AP2A1: variants seen among roughly 807,000 people sequenced by gnomAD.
The protein encoded by AP2A1 is AP-2 complex subunit alpha-1.
In AP2A1, 21 loss-of-function variants were observed where a neutral mutation model predicts 107.3. The ratio of observed to expected loss-of-function variants is 0.20; its 90% CI spans 0.14 to 0.28. The LOEUF (loss-of-function observed/expected upper bound fraction) is 0.28. Among genes scored for constraint, AP2A1 ranks in the 10% least tolerant of loss-of-function variants. AP2A1 has a pLI of 1.00. For synonymous variants in AP2A1, 602 were observed against 564.8 expected (o/e 1.07, Z -0.93); for missense variants, 873 against 1,307.7 (o/e 0.67, Z 5.13).
rs1568579366 is a variant in AP2A1, at chr19:49,787,329, TTTTTGTTTG to T, written c.474-4601_474-4593del. Among the ~76,000 whole-genome samples the T allele has an allele frequency of 5.6e-4, 71 of 127,134 alleles. 2 individuals carry two copies. The highest frequency in any genetic ancestry group is 9.8e-4 in the African/African-American group (30 of 30,704). The allele number at this position is 127,134 out of a possible 152,430, so 83.4% of individuals were successfully genotyped here. A position where few individuals can be genotyped will look rare whatever the true frequency, so the allele number is the denominator to read the frequency against. On this transcript the variant is annotated intron_variant, in intron 4 of 22. Transcript: ENST00000354293. The stretch of plus-strand genomic sequence containing the variant: ...TGAGCCACCACTCCCATCTAGGCTT[TTTTTGTTTG>T]TTTTTTTTGTTTTTTGTTTTTTTTT...
intron 15 of AP2A1, 66 bp from the exon 16 acceptor site, chr19:49,802,883 A>T: frequency 1.3e-6 from 2 of 1,541,636 alleles, no homozygotes; most frequent in South Asian, 2.3e-5. Context: ...CTCGCACTCA[A>T]TCGCTCTGGG....
At chr19:49,791,271 G>T (rs186835751) in intron 4 of AP2A1, among the ~76,000 whole-genome samples, 1 of 152,302 alleles carries the variant, frequency 6.6e-6, no homozygotes, top group Admixed American at 6.5e-5. Flanking sequence ...TGTTGCCCAA[G>T]CTAGAGGGAG....
intron 1 of AP2A1, among the ~76,000 whole-genome samples, chr19:49,776,720 T>C: frequency 6.6e-6 from 1 of 152,158 alleles, no homozygotes; most frequent in East Asian, 1.9e-4. Flanking sequence ...ACCACCCCAG[T>C]AGCACCCATA....
intron 18 of AP2A1, chr19:49,804,489 G>T (rs570413877): frequency 6.6e-6 from 1 of 150,942 alleles, no homozygotes; most frequent in Admixed American, 6.6e-5. Context: ...GCAGTAAGCC[G>T]AGATTGCGCC....
chr19:49,767,566 G>A (rs2084515877), intron 1 of AP2A1, among the ~76,000 whole-genome samples: 1 of 152,046 alleles, frequency 6.6e-6, no homozygotes, highest in African/African-American at 2.4e-5. Flanking sequence ...AGTGAAAGAA[G>A]TGTATGGCGG....
rs769846061 is a variant in AP2A1 at position 49,807,033 on chromosome 19, C to T, written c.*275C>T. 4 of 1,519,850 alleles carry T rather than the reference C, an allele frequency of 2.6e-6. No individual in the cohort carries two copies. In the Admixed American group the frequency reaches 5.9e-5, roughly 22 times the overall value. 94.1% of individuals were successfully genotyped at this position (1,519,850 alleles called of 1,614,324 possible). A position where few individuals can be genotyped will look rare whatever the true frequency, so the allele number is the denominator to read the frequency against. On this transcript the variant is annotated 3_prime_UTR_variant, in exon 23 of 23. Coordinates refer to ENST00000354293, the MANE Select transcript of AP2A1 (RefSeq NM_130787.3). ...GTGGATGTCTCCTCCCCTCCCACCC[C>T]ACCCTGTTGTAGCCCCTCCTACCCC...
intron 1 of AP2A1, among the ~76,000 whole-genome samples, chr19:49,774,228 C>T (rs775163365): frequency 1.3e-5 from 2 of 152,206 alleles, no homozygotes; most frequent in Non-Finnish European, 2.9e-5. Context: ...CAACACCTCC[C>T]CTGTGCCAGG....
rs2073096617 is a variant in AP2A1 at position 49,788,146 on chromosome 19, T to C, written c.474-3789T>C. Among the ~76,000 whole-genome samples, 1 of 152,100 alleles carries C rather than the reference T, an allele frequency of 6.6e-6. No homozygotes were observed. The highest frequency in any genetic ancestry group is 1.5e-5 in the Non-Finnish European group (1 of 68,014). ...ATTTTTTATAGAGACAGGGTCTCAC[T>C]ATATTACCCAGGCTAGTCTTGAACT... On this transcript the variant is annotated intron_variant, in intron 4 of 22. Coordinates refer to ENST00000354293, the MANE Select transcript of AP2A1 (RefSeq NM_130787.3). This position sits in a 1 kb window ranked among gnomAD's most constrained non-coding sequence, Gnocchi z 4.5.
intron 22 of AP2A1, 177 bp downstream of exon 22, chr19:49,806,430 C>T (rs2073386192): frequency 7.0e-7 from 1 of 1,435,432 alleles, no homozygotes. Flanking sequence ...TGTCTCCAAC[C>T]TCTGGTGTTC....
At chr19:49,798,564 G>T (rs2073239190) in intron 7 of AP2A1, among the ~76,000 whole-genome samples, 1 of 152,182 alleles carries the variant, frequency 6.6e-6, no homozygotes, top group South Asian at 2.1e-4. Flanking sequence ...AGCAGGAGGA[G>T]AGCCCAGGTC....
At position 49,782,008 on chromosome 19, in the gene AP2A1, C is replaced by T; in HGVS notation, c.198C>T (p.Phe66=). Residue 66 remains phenylalanine (F), a synonymous_variant, in exon 3 of 23, where the codon TTC becomes TTT. Coordinates refer to ENST00000354293, the MANE Select transcript of AP2A1 (RefSeq NM_130787.3). The part of the protein sequence containing the change: ...KKYVCKLLFI[F]LLGHDIDFGH... ...ATGTGTGTAAACTGCTTTTCATCTTCCTGCTTGGCCATGACATTGACTTTG... is the reference window on the plus strand; with the variant it reads ...ATGTGTGTAAACTGCTTTTCATCTTTCTGCTTGGCCATGACATTGACTTTG... The T allele has an allele frequency of 6.2e-7, 1 of 1,605,816 alleles. No homozygotes were observed.
intron 1 of AP2A1, among the ~76,000 whole-genome samples, chr19:49,767,810 A>G (rs1042787365): frequency 1.3e-5 from 2 of 151,808 alleles, no homozygotes; most frequent in Non-Finnish European, 2.9e-5. Context: ...GACTATAAGG[A>G]CACCCTGGTG....
chr19:49,805,153 C>G, intron 18 of AP2A1: 1 of 362,702 alleles, frequency 2.8e-6, no homozygotes, highest in Non-Finnish European at 5.0e-6. Context: ...AGTGGTTGCC[C>G]ACAGCCACTC....
chr19:49,770,123 C>T (rs953563256), intron 1 of AP2A1, among the ~76,000 whole-genome samples: 3 of 152,128 alleles, frequency 2.0e-5, no homozygotes, highest in African/African-American at 7.2e-5. Flanking sequence ...CCCGCCTTGG[C>T]CTCCCAAAGT....
At chr19:49,806,406 T>C (rs1874647165) in intron 22 of AP2A1, 153 bp downstream of exon 22, 5 of 1,436,372 alleles carry the variant, frequency 3.5e-6, no homozygotes, top group Non-Finnish European at 4.6e-6. Flanking sequence ...TCTTTATCTA[T>C]CAGTTTAATC....
intron 1 of AP2A1, among the ~76,000 whole-genome samples, chr19:49,773,888 G>C (rs1296810570): frequency 6.6e-6 from 1 of 152,210 alleles, no homozygotes; most frequent in African/African-American, 2.4e-5. Flanking sequence ...AGGGACTTAG[G>C]AGGAGGAGAG....
intron 18 of AP2A1, 52 bp from the exon 19 acceptor site, chr19:49,805,401 C>T: frequency 3.4e-6 from 5 of 1,483,302 alleles, no homozygotes; most frequent in Non-Finnish European, 4.5e-6. Flanking sequence ...CTGACCCAGA[C>T]CTCCCGGGGG....
At chr19:49,791,038 C>G (rs1017086599) in intron 4 of AP2A1, among the ~76,000 whole-genome samples, 9 of 152,332 alleles carry the variant, frequency 5.9e-5, no homozygotes, top group Admixed American at 5.2e-4. Context: ...TGTTCCCTCC[C>G]TGTCCTATCT....
chr19:49,802,682 C>A, intron 15 of AP2A1: 1 of 1,320,340 alleles, frequency 7.6e-7, no homozygotes, highest in Non-Finnish European at 1.0e-6. Context: ...TGGGAGCCCT[C>A]GTCAACGGGT....
Sources: gnomAD v4.1 joint callset for allele counts (sites outside exome capture counted in the v4.1 genomes callset) on GRCh38, gnomAD v4.1.1 for gene constraint, Gnocchi (gnomAD v3.1) non-coding constraint, MANE v1.5 for transcripts, NCBI Gene and HGNC (gene_info 2026-07-23, HGNC 2026-07-21) for gene names.